The following ZFYVE28 variants were observed in gnomAD, a reference collection of about 807,000 sequenced individuals.
ZFYVE28 encodes the protein zinc finger FYVE-type containing 28.
ZFYVE28 carries 40 observed loss-of-function variants against 82.1 expected under a neutral mutation model. The observed-to-expected ratio is 0.49, with a 90% confidence interval of 0.38 to 0.63. The LOEUF (loss-of-function observed/expected upper bound fraction) is 0.63. Among genes scored for constraint, ZFYVE28 ranks in the 30% least tolerant of loss-of-function variants. The pLI is 0.00. For missense variants in ZFYVE28, 1,321 were observed against 1,242.1 expected (o/e 1.06, Z -0.96); for synonymous variants, 612 against 546.1 (o/e 1.12, Z -1.68).
chr4:2,341,195 T>G lies in ZFYVE28; in HGVS notation c.318+283A>C. On this transcript the variant is annotated intron_variant, in intron 3 of 12. Transcript: ENST00000290974. The surrounding 1 kb of genome is among the most constrained non-coding windows in gnomAD (Gnocchi z 4.5). ...GGCATTACTGCCATTAAAAACCACT[T>G]TTAGGTCCTGGCTGTCTGGGGGCCT... is the stretch of plus-strand genomic sequence containing the variant. 2.0e-6 allele frequency: 1 copy of G among 500,392 alleles called. No individual in the cohort carries two copies. The highest frequency in any genetic ancestry group is 3.6e-6 in the Non-Finnish European group (1 of 277,210). The allele number at this position is 500,392 out of a possible 1,614,324, so 31.0% of individuals were successfully genotyped here.
chr4:2,377,460 T>C (rs577190436), intron 1 of ZFYVE28, among the ~76,000 whole-genome samples: 1 of 152,356 alleles, frequency 6.6e-6, no homozygotes, highest in East Asian at 1.9e-4. Context: ...AGTTCCCTTT[T>C]CTTGCTGATG....
At chr4:2,356,018 C>T (rs553316202) in intron 1 of ZFYVE28, among the ~76,000 whole-genome samples, 27 of 152,344 alleles carry the variant, frequency 1.8e-4, no homozygotes, top group Admixed American at 1.2e-3. Context: ...CCGTTTCCTC[C>T]GTGTGCTCTG....
intron 8 of ZFYVE28, among the ~76,000 whole-genome samples, chr4:2,292,029 A>C (rs2108811932): frequency 6.6e-6 from 1 of 151,946 alleles, no homozygotes; most frequent in South Asian, 2.1e-4. Context: ...CCTCCTTTCC[A>C]CTTAGCCTAG....
At chr4:2,298,496 T>G (rs1302057022) in intron 8 of ZFYVE28, among the ~76,000 whole-genome samples, 1 of 152,210 alleles carries the variant, frequency 6.6e-6, no homozygotes, top group Non-Finnish European at 1.5e-5. Context: ...GTCTGTCATC[T>G]GTCTGCCACT....
intron 6 of ZFYVE28, chr4:2,324,792 T>G (rs1461799013): frequency 6.5e-6 from 1 of 153,898 alleles, no homozygotes; most frequent in East Asian, 1.9e-4. Flanking sequence ...TATTGAAAAA[T>G]AAAGAAAAAC....
At chr4:2,330,987 T>C in intron 6 of ZFYVE28, 1 of 1,533,408 alleles carries the variant, frequency 6.5e-7, no homozygotes, top group South Asian at 1.2e-5. Flanking sequence ...CCGGCAACCA[T>C]CCTGCAGGCC....
At chr4:2,337,610 G>A in intron 4 of ZFYVE28, 114 bp from the exon 5 acceptor site, 3 of 766,610 alleles carry the variant, frequency 3.9e-6, no homozygotes, top group Non-Finnish European at 6.3e-6. Context: ...GTGGGGGCGG[G>A]GGGCCTCACG....
chr4:2,377,332 C>T (rs756051039), intron 1 of ZFYVE28, among the ~76,000 whole-genome samples: 5 of 152,158 alleles, frequency 3.3e-5, no homozygotes, highest in Non-Finnish European at 5.9e-5. Context: ...TAGGGCTTTA[C>T]TTTTATCTCT....
intron 2 of ZFYVE28, among the ~76,000 whole-genome samples, chr4:2,353,315 G>A (rs1266557494): frequency 6.6e-6 from 1 of 152,216 alleles, no homozygotes; most frequent in Non-Finnish European, 1.5e-5. Flanking sequence ...GGAGGAGCAT[G>A]TGTCAGGCCC....
At chr4:2,340,184 C>T (rs1170805308) in intron 3 of ZFYVE28, among the ~76,000 whole-genome samples, 1 of 152,184 alleles carries the variant, frequency 6.6e-6, no homozygotes, top group Middle Eastern at 3.2e-3. Context: ...TCAAGTTGCT[C>T]ACTGCCAGAG....
chr4:2,369,310 G>C (rs570965414), intron 1 of ZFYVE28, among the ~76,000 whole-genome samples: 98 of 152,326 alleles, frequency 6.4e-4, no homozygotes, highest in Middle Eastern at 3.4e-3. Context: ...CACAGCCACA[G>C]GACCCCACCA....
At chr4:2,338,864 G>C (rs571347724) in intron 4 of ZFYVE28, among the ~76,000 whole-genome samples, 1 of 152,094 alleles carries the variant, frequency 6.6e-6, no homozygotes, top group Non-Finnish European at 1.5e-5. Flanking sequence ...TCGCTCTCTC[G>C]CCCAGGCTGG....
At chr4:2,314,115 A>G (rs1036024109) in intron 7 of ZFYVE28, among the ~76,000 whole-genome samples, 6 of 152,338 alleles carry the variant, frequency 3.9e-5, no homozygotes, top group Non-Finnish European at 8.8e-5. Context: ...TGGGATTGTG[A>G]CATCTTCCTA....
At chr4:2,367,094 C>A (rs994819116) in intron 1 of ZFYVE28, among the ~76,000 whole-genome samples, 1 of 152,144 alleles carries the variant, frequency 6.6e-6, no homozygotes, top group Non-Finnish European at 1.5e-5. Context: ...CATAAAGAAA[C>A]GAATGAACTG....
At chr4:2,347,006 T>C (rs1723698953) in intron 2 of ZFYVE28, among the ~76,000 whole-genome samples, 2 of 152,028 alleles carry the variant, frequency 1.3e-5, no homozygotes, top group Non-Finnish European at 2.9e-5. Flanking sequence ...CATAATAAAA[T>C]GAGACCCAAC....
In ZFYVE28 at chr4:2,353,960, C is replaced by A; in HGVS notation, c.153G>T (p.Leu51=). 3 of 1,563,766 alleles carry A rather than the reference C, an allele frequency of 1.9e-6. No homozygotes were observed. The highest frequency in any genetic ancestry group is 1.7e-4 in the Middle Eastern group (1 of 5,866). Residue 51 remains leucine, a synonymous_variant, in exon 2 of 13, where the codon CTG becomes CTT. Transcript: ENST00000290974. ...GACAGGAGCGGAACTGGCTGACCAG[C>A]AGCGTGCACCGCTGGGGGTCCTTCC... ...DGRKDPQRCT[L]LVSQFRSCQD...
rs773932226 is a variant in ZFYVE28, at chr4:2,304,434, G to A, written c.1906C>T (p.Pro636Ser). 3 of 1,613,542 alleles carry A rather than the reference G, an allele frequency of 1.9e-6. No homozygotes were observed. Among genetic ancestry groups the A allele is most frequent in the Admixed American group, 1.7e-5 (1 of 60,010 alleles). ...PKAPTSDKCL[P>S]HTSGSQVDTA... ...TCCACCTGGGAACCTGAGGTGTGAG[G>A]CAGGCACTTGTCGGAAGTGGGGGCT... The change falls in exon 8 of 13, where the codon CCT (proline) becomes TCT (serine). Residue 636 changes from proline to serine, a missense_variant. By Grantham distance (74) the Pro-to-Ser change is moderately conservative. This residue lies in a region of ZFYVE28 where 978 missense variants were observed against 833.7 expected (regional missense o/e 1.17). Coordinates refer to ENST00000290974, the MANE Select transcript of ZFYVE28 (RefSeq NM_020972.3).
intron 1 of ZFYVE28, among the ~76,000 whole-genome samples, chr4:2,401,167 T>C (rs1731132672): frequency 6.6e-6 from 1 of 152,148 alleles, no homozygotes; most frequent in African/African-American, 2.4e-5. Flanking sequence ...ATTTGCTCCA[T>C]GGAACTAAGG....
rs113795359 is a variant in ZFYVE28, at chr4:2,320,016, C to G, written c.803+154G>C. Among the ~76,000 whole-genome samples the G allele has an allele frequency of 2.8e-3, 428 of 152,314 alleles. 1 individual carries two copies. Among genetic ancestry groups the G allele is most frequent in the African/African-American group, 9.8e-3 (406 of 41,556 alleles). On this transcript the variant is annotated intron_variant, in intron 7 of 12. Transcript: ENST00000290974. This position sits in a 1 kb window ranked among gnomAD's most constrained non-coding sequence, Gnocchi z 5.1. ...CCAGGACTCTGTGACCCCCATGGGT[C>G]GTTTGTGACCCCTCCCTAGGGAATA...
Sources: gnomAD v4.1 joint callset for allele counts (sites outside exome capture counted in the v4.1 genomes callset) on GRCh38, gnomAD v4.1.1 for gene constraint, gnomAD v4.1.1 regional missense constraint, Gnocchi (gnomAD v3.1) non-coding constraint, MANE v1.5 for transcripts, NCBI Gene and HGNC (gene_info 2026-07-23, HGNC 2026-07-21) for gene names.